The following DPP10 variants were observed in gnomAD, a reference collection of about 807,000 sequenced individuals.
DPP10 encodes the protein inactive dipeptidyl peptidase 10.
A neutral mutation model predicts 120.9 loss-of-function variants in DPP10; 33 were observed. That is an observed-to-expected ratio of 0.27 (90% CI 0.21 to 0.37). DPP10 has a LOEUF of 0.37. Ranked by LOEUF, DPP10 falls within the 10% of genes least tolerant of loss-of-function variation. The probability of loss-of-function intolerance (pLI) is 1.00; values close to 1 mark genes in which losing one functional copy is unlikely to be tolerated. For missense variants in DPP10, 816 were observed against 942.8 expected (o/e 0.87, Z 1.76); for synonymous variants, 337 against 326.1 (o/e 1.03, Z -0.36).
chr2:114,556,531 C>T (rs953311488), intron 1 of DPP10, among the ~76,000 whole-genome samples: 1 of 151,856 alleles, frequency 6.6e-6, no homozygotes, highest in African/African-American at 2.4e-5. Context: ...GAGCCTTTTA[C>T]AGTTTGACTT....
intron 1 of DPP10, among the ~76,000 whole-genome samples, chr2:114,791,794 C>T (rs12612537): frequency 0.19 from 28,911 of 152,062 alleles, 3,488 homozygotes; most frequent in Non-Finnish European, 0.27. Context: ...TTCCAATATA[C>T]ATAGGAGGTG....
At chr2:115,083,115 A>C (rs1325204040) in intron 1 of DPP10, among the ~76,000 whole-genome samples, 1 of 152,046 alleles carries the variant, frequency 6.6e-6, no homozygotes, top group Admixed American at 6.5e-5. Context: ...TGTACTATTC[A>C]TTCTTCATTT....
intron 8 of DPP10, among the ~76,000 whole-genome samples, chr2:115,728,321 C>A (rs1399496275): frequency 2.7e-5 from 4 of 150,916 alleles, no homozygotes; most frequent in Non-Finnish European, 5.9e-5. Flanking sequence ...TAAAAAGCCA[C>A]CTGATTTTAG....
chr2:115,452,915 C>T (rs921030172), intron 3 of DPP10, among the ~76,000 whole-genome samples: 1 of 151,888 alleles, frequency 6.6e-6, no homozygotes, highest in African/African-American at 2.4e-5. Flanking sequence ...ACTTCACTTA[C>T]ATTTCCCTTA....
chr2:115,580,609 T>G (rs184769180), intron 5 of DPP10, among the ~76,000 whole-genome samples: 20 of 152,306 alleles, frequency 1.3e-4, no homozygotes, highest in African/African-American at 4.3e-4. Flanking sequence ...TTCGGTCTCA[T>G]GGCCTTTGCA....
intron 1 of DPP10, among the ~76,000 whole-genome samples, chr2:115,129,390 C>T (rs1211070080): frequency 6.6e-6 from 1 of 152,174 alleles, no homozygotes; most frequent in African/African-American, 2.4e-5. Flanking sequence ...CCATCTCTAA[C>T]AGATTTTGGC....
chr2:115,573,317 C>T (rs533596999), intron 5 of DPP10, among the ~76,000 whole-genome samples: 1 of 123,344 alleles, frequency 8.1e-6, no homozygotes, highest in Non-Finnish European at 1.6e-5. Flanking sequence ...GAGTCTTGCT[C>T]TGTCGCCCAG....
chr2:114,945,686 G>C (rs1343981520), intron 1 of DPP10, among the ~76,000 whole-genome samples: 3 of 151,938 alleles, frequency 2.0e-5, no homozygotes, highest in African/African-American at 7.3e-5. Flanking sequence ...CATGGCGGCG[G>C]ACACCTGTAA....
chr2:115,523,183 A>T (rs1419786050), intron 4 of DPP10, among the ~76,000 whole-genome samples: 1 of 151,534 alleles, frequency 6.6e-6, no homozygotes, highest in Non-Finnish European at 1.5e-5. Context: ...TGTGTGCTGC[A>T]TAAGCTTGAG....
intron 1 of DPP10, among the ~76,000 whole-genome samples, chr2:115,004,733 A>C (rs963828299): frequency 6.6e-6 from 1 of 152,110 alleles, no homozygotes; most frequent in African/African-American, 2.4e-5. Context: ...ATGGAGTCTC[A>C]CTGATTGCTA....
At chr2:115,458,796 A>G (rs781128856) in intron 3 of DPP10, among the ~76,000 whole-genome samples, 4 of 152,190 alleles carry the variant, frequency 2.6e-5, no homozygotes, top group Non-Finnish European at 1.5e-5. Context: ...TGTACAGTGT[A>G]TGTGTCACAT....
chr2:115,037,968 C>T (rs1704345497), intron 1 of DPP10, among the ~76,000 whole-genome samples: 1 of 152,136 alleles, frequency 6.6e-6, no homozygotes, highest in African/African-American at 2.4e-5. Flanking sequence ...AACTTGAATC[C>T]TACCATCACA....
Position 115,621,387 on chromosome 2 carries a change from A to G in DPP10, c.442-68300A>G, listed in dbSNP as rs191880190. Among the ~76,000 whole-genome samples, 476 of 152,324 alleles carry G rather than the reference A, an allele frequency of 3.1e-3. 2 individuals are homozygous for G. Among genetic ancestry groups the G allele is most frequent in the African/African-American group, 0.011 (453 of 41,578 alleles). On this transcript the variant is annotated intron_variant, in intron 5 of 25. Coordinates refer to ENST00000410059, the MANE Select transcript of DPP10 (RefSeq NM_020868.6). Reference sequence around the variant, plus strand: ...ATGTATGATGTTTTACTTATGTTTGATAATAAATAGGCAATACTTTGTGAT... The same window carrying G: ...ATGTATGATGTTTTACTTATGTTTGGTAATAAATAGGCAATACTTTGTGAT...
intron 3 of DPP10, among the ~76,000 whole-genome samples, chr2:115,405,619 A>T (rs2068448746): frequency 6.6e-6 from 1 of 152,134 alleles, no homozygotes; most frequent in African/African-American, 2.4e-5. Flanking sequence ...GCAGTTTGAC[A>T]AAAACTTTGA....
At chr2:115,103,138 G>T (rs1038148544) in intron 1 of DPP10, among the ~76,000 whole-genome samples, 29 of 149,712 alleles carry the variant, frequency 1.9e-4, no homozygotes, top group Admixed American at 1.9e-3. Context: ...TAAAACAGGG[G>T]TTTTCAGTTG....
chr2:115,801,110 T>A (rs200380301), intron 19 of DPP10, among the ~76,000 whole-genome samples: 47,211 of 148,364 alleles, frequency 0.32, 5,982 homozygotes, highest in Middle Eastern at 0.5. Flanking sequence ...TTTTATTTCC[T>A]TGAGCAGTGG....
chr2:114,863,926 A>C (rs1454901858), intron 1 of DPP10, among the ~76,000 whole-genome samples: 1 of 152,192 alleles, frequency 6.6e-6, no homozygotes, highest in African/African-American at 2.4e-5. Flanking sequence ...AGCCTGTGTC[A>C]TGCAACTGGC....
chr2:115,646,593 A>G (rs569935458), intron 5 of DPP10, among the ~76,000 whole-genome samples: 1 of 152,286 alleles, frequency 6.6e-6, no homozygotes, highest in East Asian at 1.9e-4. Context: ...CTGGGCTAAC[A>G]GGCAAGGGAT....
intron 3 of DPP10, among the ~76,000 whole-genome samples, chr2:115,475,227 C>T (rs1429508426): frequency 6.6e-6 from 1 of 152,190 alleles, no homozygotes; most frequent in Non-Finnish European, 1.5e-5. Flanking sequence ...GCCCCACGGA[C>T]CTGTGCAGCC....
Sources: gnomAD v4.1 joint callset for allele counts (sites outside exome capture counted in the v4.1 genomes callset) on GRCh38, gnomAD v4.1.1 for gene constraint, MANE v1.5 for transcripts, NCBI Gene and HGNC (gene_info 2026-07-23, HGNC 2026-07-21) for gene names.